Variants in IL1RAPL2 observed in about 807,000 individuals in gnomAD.
IL1RAPL2 encodes X-linked interleukin-1 receptor accessory protein-like 2.
A neutral mutation model predicts 44.1 loss-of-function variants in IL1RAPL2; 3 were observed. The observed-to-expected ratio is 0.07, with a 90% CI of 0.03 to 0.18. IL1RAPL2 has a LOEUF of 0.18. IL1RAPL2 is among the 10% of genes least tolerant of loss of function. The pLI, the probability that IL1RAPL2 is intolerant of heterozygous loss-of-function variation, is 1.00. For missense variants in IL1RAPL2, 391 were observed against 496.4 expected (o/e 0.79, Z 2.02); for synonymous variants, 181 against 178.8 (o/e 1.01, Z -0.10).
rs749174103 is a variant in IL1RAPL2 at position 104,973,068 on chromosome X, C to T, written c.83-222407C>T. Among the ~76,000 whole-genome samples the T allele has an allele frequency of 3.6e-5, 4 of 111,955 alleles. No individual in the cohort carries two copies. The East Asian group carries it at 1.1e-3, about 32-fold the overall frequency. ...CCTTTCAGTTAGGTTGTAACTGATT[C>T]TCAGAGGATCTTTCTTTTTGGTTTT... On this transcript the variant is annotated intron_variant, in intron 2 of 10. Coordinates refer to ENST00000372582, the MANE Select transcript of IL1RAPL2 (RefSeq NM_017416.2).
chrX:104,622,894 T>C (rs5962437), intron 1 of IL1RAPL2, among the ~76,000 whole-genome samples: 18,267 of 111,426 alleles, frequency 0.16, 3,723 homozygotes, highest in African/African-American at 0.57. Context: ...AAATAAATTT[T>C]AATAACTTTT....
chrX:104,806,902 G>A (rs1932926551), intron 2 of IL1RAPL2, among the ~76,000 whole-genome samples: 1 of 111,787 alleles, frequency 8.9e-6, no homozygotes, highest in Admixed American at 9.5e-5. Context: ...CTGGTCCGGG[G>A]GTAGTCCTCT....
intron 1 of IL1RAPL2, among the ~76,000 whole-genome samples, chrX:104,649,981 C>T (rs988908248): frequency 8.0e-5 from 9 of 112,017 alleles, no homozygotes; most frequent in East Asian, 5.6e-4. Context: ...TTTTAAAGCT[C>T]TCTCTTCAAT....
chrX:105,017,118 G>A (rs1347541593), intron 2 of IL1RAPL2, among the ~76,000 whole-genome samples: 1 of 111,134 alleles, frequency 9.0e-6, no homozygotes, highest in African/African-American at 3.3e-5. Context: ...TTCTCTGATG[G>A]TAGTTTGTAT....
intron 2 of IL1RAPL2, among the ~76,000 whole-genome samples, chrX:105,064,735 A>G (rs2032116393): frequency 8.9e-6 from 1 of 112,067 alleles, no homozygotes; most frequent in Admixed American, 9.5e-5. Context: ...ATCATCATAA[A>G]CGTCTTCATC....
At chrX:105,047,751 T>A (rs759606788) in intron 2 of IL1RAPL2, among the ~76,000 whole-genome samples, 1 of 111,687 alleles carries the variant, frequency 9.0e-6, no homozygotes, top group East Asian at 2.8e-4. Flanking sequence ...TATTCATACC[T>A]TTGAAAAGAG....
intron 5 of IL1RAPL2, among the ~76,000 whole-genome samples, chrX:105,471,501 G>C (rs1602426998): frequency 9.0e-6 from 1 of 111,510 alleles, no homozygotes; most frequent in South Asian, 3.8e-4. Flanking sequence ...CCAAGGTCTA[G>C]ATACACATAA....
At chrX:105,089,524 C>T (rs2032517025) in intron 2 of IL1RAPL2, among the ~76,000 whole-genome samples, 1 of 110,814 alleles carries the variant, frequency 9.0e-6, no homozygotes, top group African/African-American at 3.3e-5. Context: ...ACTCCCCTTC[C>T]CCACCTCATT....
At chrX:104,585,233 TA>T (rs1928488566) in intron 1 of IL1RAPL2, among the ~76,000 whole-genome samples, 15 of 53,537 alleles carry the variant, frequency 2.8e-4, no homozygotes, top group African/African-American at 1.1e-3. Flanking sequence ...TATATGTGTA[TA>T]TATATAATAT....
At chrX:104,783,621 T>C (rs148780517) in intron 2 of IL1RAPL2, among the ~76,000 whole-genome samples, 44 of 110,215 alleles carry the variant, frequency 4.0e-4, no homozygotes, top group African/African-American at 1.4e-3. Context: ...GTATTTTATT[T>C]TGGCTTAAAT....
At chrX:105,046,754 A>C (rs987477073) in intron 2 of IL1RAPL2, among the ~76,000 whole-genome samples, 1 of 108,242 alleles carries the variant, frequency 9.2e-6, no homozygotes. Context: ...TTGCTATTCT[A>C]TTAGACACCA....
intron 6 of IL1RAPL2, among the ~76,000 whole-genome samples, chrX:105,549,498 C>T (rs1020451345): frequency 1.8e-5 from 2 of 111,112 alleles, no homozygotes; most frequent in Non-Finnish European, 3.8e-5. Flanking sequence ...TTGTCACCTC[C>T]CTTCACGGTT....
chrX:104,641,632 A>T (rs774243831), intron 1 of IL1RAPL2, among the ~76,000 whole-genome samples: 3 of 111,220 alleles, frequency 2.7e-5, no homozygotes, highest in Admixed American at 9.5e-5. Context: ...AGGAGTCCCC[A>T]CTCAGCTGGC....
chrX:105,577,279 T>G (rs1002735440), intron 6 of IL1RAPL2, among the ~76,000 whole-genome samples: 1 of 111,438 alleles, frequency 9.0e-6, no homozygotes, highest in African/African-American at 3.3e-5. Context: ...TTCCTAAAAT[T>G]TACCTTAATA....
intron 2 of IL1RAPL2, among the ~76,000 whole-genome samples, chrX:105,116,056 C>T (rs574224461): frequency 1.6e-4 from 18 of 112,944 alleles, no homozygotes; most frequent in South Asian, 7.2e-4. Context: ...CCTGCAAGCG[C>T]GTGCGCAGCC....
At chrX:105,576,037 T>G (rs913796533) in intron 6 of IL1RAPL2, among the ~76,000 whole-genome samples, 1 of 111,841 alleles carries the variant, frequency 8.9e-6, no homozygotes, top group Non-Finnish European at 1.9e-5. Context: ...GCTTATAAAT[T>G]TAAGTTCCTT....
chrX:104,859,358 C>T (rs760055086), intron 2 of IL1RAPL2, among the ~76,000 whole-genome samples: 1 of 110,614 alleles, frequency 9.0e-6, no homozygotes, highest in South Asian at 3.8e-4. Context: ...AAATTGTGTG[C>T]TAAAGCAAGG....
intron 2 of IL1RAPL2, among the ~76,000 whole-genome samples, chrX:104,738,617 C>T (rs1392116155): frequency 1.8e-5 from 2 of 111,020 alleles, no homozygotes; most frequent in African/African-American, 3.3e-5. Flanking sequence ...GAATTTAACA[C>T]CTAGAATTAG....
At chrX:104,668,393 GTATA>G (rs1336233831) in intron 2 of IL1RAPL2, among the ~76,000 whole-genome samples, 19 of 106,025 alleles carry the variant, frequency 1.8e-4, no homozygotes, top group Non-Finnish European at 3.5e-4. Flanking sequence ...AGTTACATAT[GTATA>G]CATGTGCCAT....
Sources: allele counts gnomAD v4.1 joint callset (sites outside exome capture counted in the v4.1 genomes callset), GRCh38; gene constraint gnomAD v4.1.1; transcripts MANE v1.5; gene names NCBI Gene and HGNC (gene_info 2026-07-23, HGNC 2026-07-21).